The following GGA2 variants were observed in gnomAD, a reference collection of about 807,000 sequenced individuals.
GGA2 encodes golgi associated, gamma adaptin ear containing, ARF binding protein 2.
Under a neutral mutation model 79.5 loss-of-function variants are expected in GGA2, and 48 were observed. That is an observed-to-expected ratio of 0.60 (90% CI 0.48 to 0.77). The LOEUF (loss-of-function observed/expected upper bound fraction) is 0.77. Among genes scored for constraint, GGA2 ranks in the 30% least tolerant of loss-of-function variants. GGA2 has a pLI of 0.00. For synonymous variants in GGA2, 317 were observed against 302.0 expected (o/e 1.05, Z -0.51); for missense variants, 770 against 774.0 (o/e 0.99, Z 0.06).
intron 9 of GGA2, among the ~76,000 whole-genome samples, chr16:23,481,838 G>A (rs1964652754): frequency 1.3e-5 from 2 of 152,128 alleles, no homozygotes; most frequent in Non-Finnish European, 2.9e-5. Context: ...AGAGACAGAA[G>A]AAATATAAAC....
At chr16:23,471,449 A>C (rs992086409) in intron 14 of GGA2, among the ~76,000 whole-genome samples, 4 of 152,192 alleles carry the variant, frequency 2.6e-5, no homozygotes, top group Non-Finnish European at 5.9e-5. Context: ...TAAAATTACA[A>C]TTCAAGTAAA....
chr16:23,471,083 C>T (rs1004286167), intron 14 of GGA2, among the ~76,000 whole-genome samples: 28 of 151,914 alleles, frequency 1.8e-4, no homozygotes, highest in Non-Finnish European at 2.8e-4. Context: ...TCAGGTGATC[C>T]GCCCACCTTG....
intron 4 of GGA2, among the ~76,000 whole-genome samples, chr16:23,492,515 G>C (rs1365419852): frequency 1.3e-5 from 2 of 152,130 alleles, no homozygotes; most frequent in African/African-American, 4.8e-5. Flanking sequence ...ACTGAAACAA[G>C]GAAGCTCAGA....
intron 11 of GGA2, among the ~76,000 whole-genome samples, chr16:23,479,362 A>G (rs891486114): frequency 2.4e-4 from 33 of 140,198 alleles, no homozygotes; most frequent in African/African-American, 8.9e-4. Context: ...TCACTCCCCT[A>G]CTCACACCCA....
At chr16:23,503,951 C>A (rs1177513060) in intron 1 of GGA2, among the ~76,000 whole-genome samples, 2 of 152,110 alleles carry the variant, frequency 1.3e-5, no homozygotes, top group African/African-American at 4.8e-5. Flanking sequence ...TATGGTGCTG[C>A]ATGCCTGCAG....
At chr16:23,501,583 C>T in intron 1 of GGA2, 3 of 308,492 alleles carry the variant, frequency 9.7e-6, no homozygotes, top group South Asian at 8.6e-5. Context: ...CGTGTGAATA[C>T]AAAGACTTGC....
upstream of GGA2, chr16:23,522,131 T>C (rs1965149831): frequency 4.0e-6 from 1 of 250,456 alleles, no homozygotes; most frequent in South Asian, 4.5e-5. Flanking sequence ...AGTATTATTA[T>C]TGTCCCCTTC....
intron 1 of GGA2, among the ~76,000 whole-genome samples, chr16:23,498,681 A>C (rs1030113908): frequency 1.3e-5 from 2 of 152,246 alleles, no homozygotes; most frequent in Admixed American, 1.3e-4. Context: ...TAAGAGGTCT[A>C]CAAAGGATAA....
chr16:23,499,653 G>A (rs540344332), intron 1 of GGA2, among the ~76,000 whole-genome samples: 15 of 152,182 alleles, frequency 9.9e-5, no homozygotes, highest in Admixed American at 2.6e-4. Flanking sequence ...GAGTAGGGAC[G>A]GGGTTTCACC....
intron 1 of GGA2, among the ~76,000 whole-genome samples, chr16:23,503,154 G>T (rs1964938206): frequency 6.6e-6 from 1 of 152,060 alleles, no homozygotes. Flanking sequence ...TTTCTTTCTT[G>T]TGTTTGCTTT....
chr16:23,488,536 G>T, intron 6 of GGA2, 70 bp downstream of exon 6: 1 of 894,592 alleles, frequency 1.1e-6, no homozygotes, highest in Non-Finnish European at 1.9e-6. Flanking sequence ...TCCGATTCAA[G>T]CATCAAAGGG....
At chr16:23,475,171 G>A in intron 13 of GGA2, 110 bp from the exon 14 acceptor site, 1 of 539,278 alleles carries the variant, frequency 1.9e-6, no homozygotes, top group Non-Finnish European at 3.3e-6. Context: ...CACACACACA[G>A]AGTTAGATGT....
chr16:23,470,010 C>T lies in GGA2; in HGVS notation c.1606G>A (p.Val536Met). Residue 536 changes from valine (V) to methionine (M), a missense_variant, in exon 15 of 17, where the codon GTG becomes ATG. Transcript: ENST00000309859. ...PQPVWDIMFQ[V>M]AVPKSMRVKL... The stretch of plus-strand genomic sequence containing the variant: ...AGATGACTCACCTTTGGCACAGCCA[C>T]TTGAAACATGATATCCCAGACAGGC... 6.4e-7 allele frequency: 1 copy of T among 1,558,090 alleles called. No homozygotes were observed. The highest frequency in any genetic ancestry group is 2.4e-5 in the East Asian group (1 of 42,298).
intron 5 of GGA2, among the ~76,000 whole-genome samples, chr16:23,490,393 A>G (rs2142130233): frequency 6.6e-6 from 1 of 152,360 alleles, no homozygotes; most frequent in Admixed American, 6.5e-5. Context: ...CATGTACCAA[A>G]ATATCACATT....
At chr16:23,470,221 C>T (rs1964493443) in intron 14 of GGA2, 56 bp from the exon 15 acceptor site, 3 of 1,373,558 alleles carry the variant, frequency 2.2e-6, no homozygotes, top group Non-Finnish European at 3.0e-6. Context: ...CCCCGGACAG[C>T]CAGGCTGGAA....
chr16:23,479,584 C>A (rs1487157944), intron 11 of GGA2, among the ~76,000 whole-genome samples, 181 bp downstream of exon 11: 1 of 152,036 alleles, frequency 6.6e-6, no homozygotes, highest in Non-Finnish European at 1.5e-5. Flanking sequence ...CACTCCCCTA[C>A]TCACACCCAT....
chr16:23,475,084 A>G (rs1964560559), intron 13 of GGA2, 23 bp from the exon 14 acceptor site: 3 of 1,501,214 alleles, frequency 2.0e-6, no homozygotes, highest in Admixed American at 2.2e-5. Context: ...AAAAAATATC[A>G]AAGACTAGCA....
At chr16:23,507,317 T>A (rs538955440) in intron 1 of GGA2, among the ~76,000 whole-genome samples, 2 of 152,248 alleles carry the variant, frequency 1.3e-5, no homozygotes, top group South Asian at 4.1e-4. Context: ...ACAATGTATA[T>A]GCCATGAAAA....
In GGA2 at chr16:23,479,685, ATG is replaced by A. The variant is rs1436902266; in HGVS notation, c.1129+78_1129+79del. 3 of 1,501,908 alleles carry A rather than the reference ATG, an allele frequency of 2.0e-6. No homozygotes were observed. In the South Asian group the frequency reaches 3.5e-5, roughly 18 times the overall value. The allele number at this position is 1,501,908 out of a possible 1,614,324, so 93.0% of individuals were successfully genotyped here. ...CATCTCGACTCCCTCAGCAGCAGGCATGTGCTCCGCGAAGGGAACCAGCTCAC... is the reference window on the plus strand; with the variant it reads ...CATCTCGACTCCCTCAGCAGCAGGCATGCTCCGCGAAGGGAACCAGCTCAC... On this transcript the variant is annotated intron_variant, in intron 11 of 16. Transcript: ENST00000309859.
Sources: gnomAD v4.1 joint callset for allele counts (sites outside exome capture counted in the v4.1 genomes callset) on GRCh38, gnomAD v4.1.1 for gene constraint, MANE v1.5 for transcripts, NCBI Gene and HGNC (gene_info 2026-07-23, HGNC 2026-07-21) for gene names.